Variants in MCU observed in about 807,000 individuals in gnomAD.
MCU encodes mitochondrial calcium uniporter.
Under a neutral mutation model 45.2 loss-of-function variants are expected in MCU, and 12 were observed. The observed-to-expected ratio is 0.27, with a 90% CI of 0.17 to 0.43. The LOEUF (loss-of-function observed/expected upper bound fraction) is 0.43. Among genes scored for constraint, MCU ranks in the 20% least tolerant of loss-of-function variants. MCU has a pLI of 1.00. For missense variants in MCU, 324 were observed against 436.7 expected, an observed-to-expected ratio of 0.74 and a Z score of 2.30; for synonymous variants, 160 against 165.1, an observed-to-expected ratio of 0.97 and a Z score of 0.24.
chr10:72,828,269 G>C (rs1202637499), intron 1 of MCU, among the ~76,000 whole-genome samples: 1 of 152,170 alleles, frequency 6.6e-6, no homozygotes, highest in Non-Finnish European at 1.5e-5. Context: ...TTAAGGCAGA[G>C]TGAGGCTATT....
At chr10:72,861,966 C>T (rs1029440345) in intron 4 of MCU, among the ~76,000 whole-genome samples, 1 of 149,772 alleles carries the variant, frequency 6.7e-6, no homozygotes, top group Admixed American at 6.7e-5. Flanking sequence ...TCTAAAATAG[C>T]GTTTTGAGTT....
chr10:72,807,158 G>T (rs1407050891), intron 1 of MCU, among the ~76,000 whole-genome samples: 1 of 152,098 alleles, frequency 6.6e-6, no homozygotes, highest in African/African-American at 2.4e-5. Context: ...TGGAAATTTA[G>T]CTGAGCTTAA....
At chr10:72,836,268 C>A (rs1185995311) in intron 2 of MCU, among the ~76,000 whole-genome samples, 1 of 151,892 alleles carries the variant, frequency 6.6e-6, no homozygotes, top group African/African-American at 2.4e-5. Flanking sequence ...AATATATATT[C>A]ATAAAGAATA....
intron 6 of MCU, among the ~76,000 whole-genome samples, chr10:72,873,610 A>T (rs909086602): frequency 1.3e-5 from 2 of 151,880 alleles, no homozygotes; most frequent in African/African-American, 4.8e-5. Flanking sequence ...TTTTAGTTTG[A>T]TATAATCCCA....
intron 1 of MCU, among the ~76,000 whole-genome samples, chr10:72,814,350 C>T (rs941233131): frequency 2.6e-5 from 4 of 152,118 alleles, no homozygotes; most frequent in Non-Finnish European, 5.9e-5. Flanking sequence ...TTCTTCTGAG[C>T]AATTCTTTCA....
chr10:72,835,770 A>C (rs1007358509), intron 2 of MCU, among the ~76,000 whole-genome samples: 3 of 152,244 alleles, frequency 2.0e-5, no homozygotes, highest in Non-Finnish European at 2.9e-5. Context: ...TAAAGACAAA[A>C]AACTAAAAAT....
At chr10:72,809,650 A>T (rs1404127606) in intron 1 of MCU, among the ~76,000 whole-genome samples, 1 of 152,250 alleles carries the variant, frequency 6.6e-6, no homozygotes, top group Non-Finnish European at 1.5e-5. Flanking sequence ...GAAAATCAGT[A>T]CAGAAAGGAC....
chr10:72,784,357 A>C (rs974802301), intron 1 of MCU, among the ~76,000 whole-genome samples: 6 of 152,208 alleles, frequency 3.9e-5, no homozygotes, highest in African/African-American at 1.4e-4. Flanking sequence ...TGTCTTATGC[A>C]AATAGTAATT....
intron 2 of MCU, among the ~76,000 whole-genome samples, chr10:72,851,364 G>A (rs182374651): frequency 3.3e-4 from 51 of 152,294 alleles, no homozygotes; most frequent in African/African-American, 9.4e-4. Context: ...CCACTGCCTA[G>A]ATAGAACCAA....
chr10:72,763,395 G>A (rs1291372925), intron 1 of MCU, among the ~76,000 whole-genome samples: 1 of 152,102 alleles, frequency 6.6e-6, no homozygotes, highest in Non-Finnish European at 1.5e-5. Context: ...GGGTGAAGCG[G>A]GAGTATGAGT....
intron 1 of MCU, among the ~76,000 whole-genome samples, chr10:72,829,133 CA>C (rs1844840625): frequency 6.6e-6 from 1 of 151,938 alleles, no homozygotes; most frequent in South Asian, 2.1e-4. Context: ...CCAGCCAGGC[CA>C]ACATGGTGAA....
At chr10:72,725,882 GAAA>G (rs1234636532) in intron 1 of MCU, among the ~76,000 whole-genome samples, 1 of 150,894 alleles carries the variant, frequency 6.6e-6, no homozygotes. Context: ...GAAACTGTCT[GAAA>G]AAAAAGAAAA....
chr10:72,871,249 C>A, intron 5 of MCU, 128 bp from the exon 6 acceptor site: 1 of 812,874 alleles, frequency 1.2e-6, no homozygotes, highest in Admixed American at 2.1e-5. Flanking sequence ...GGAAGACAAG[C>A]TATATTTACT....
intron 1 of MCU, among the ~76,000 whole-genome samples, chr10:72,722,883 A>G (rs538462111): frequency 2.0e-5 from 3 of 152,276 alleles, no homozygotes; most frequent in South Asian, 2.1e-4. Context: ...CCTTTATTCT[A>G]TTACTGTTAT....
Position 72,853,676 on chromosome 10 carries a change from A to T in MCU, c.221-5501A>T, listed in dbSNP as rs1845243296. Among the ~76,000 whole-genome samples the T allele has an allele frequency of 2.0e-5, 3 of 152,218 alleles. No homozygotes were observed. The South Asian group carries it at 6.2e-4, about 31-fold the overall frequency. Reference sequence around the variant, plus strand: ...CCATTCATAAAGAAAAGCAAAGCACATCACAGTCAAATTGTTGAAAACCAG... The same window carrying T: ...CCATTCATAAAGAAAAGCAAAGCACTTCACAGTCAAATTGTTGAAAACCAG... On this transcript the variant is annotated intron_variant, in intron 2 of 7. Coordinates refer to ENST00000373053, the MANE Select transcript of MCU (RefSeq NM_138357.3).
Position 72,744,011 on chromosome 10 carries a change from T to TTATA in MCU, c.150+51720_150+51723dup, listed in dbSNP as rs368919882. Among the ~76,000 whole-genome samples, 911 of 150,810 alleles carry TTATA rather than the reference T, an allele frequency of 6.0e-3. 7 individuals are homozygous for TTATA. The highest frequency in any genetic ancestry group is 0.02 in the African/African-American group (840 of 41,206). On this transcript the variant is annotated intron_variant, in intron 1 of 7. Coordinates refer to ENST00000373053, the MANE Select transcript of MCU (RefSeq NM_138357.3). ...ATTTTCATGTCTCTCCCTTAATAGT[T>TTATA]TATATATATATATGTATGTGTATTT...
At chr10:72,695,040 A>G (rs1842668845) in intron 1 of MCU, among the ~76,000 whole-genome samples, 1 of 152,044 alleles carries the variant, frequency 6.6e-6, no homozygotes, top group African/African-American at 2.4e-5. Flanking sequence ...CTGATGTAAA[A>G]TGTTTGTTGC....
At chr10:72,863,376 C>T (rs1448581151) in intron 4 of MCU, among the ~76,000 whole-genome samples, 1 of 152,104 alleles carries the variant, frequency 6.6e-6, no homozygotes, top group African/African-American at 2.4e-5. Context: ...CGCTGGGTAG[C>T]ATTTTGATTG....
At chr10:72,850,276 A>C (rs2132855927) in intron 2 of MCU, among the ~76,000 whole-genome samples, 1 of 152,314 alleles carries the variant, frequency 6.6e-6, no homozygotes, top group South Asian at 2.1e-4. Flanking sequence ...TTCTATGATT[A>C]TATCTCACAC....
Sources: allele counts gnomAD v4.1 joint callset (sites outside exome capture counted in the v4.1 genomes callset), GRCh38; gene constraint gnomAD v4.1.1; transcripts MANE v1.5; gene names NCBI Gene and HGNC (gene_info 2026-07-23, HGNC 2026-07-21).